LYSMD1: variants seen among roughly 807,000 people sequenced by gnomAD.
LYSMD1 encodes lysM and putative peptidoglycan-binding domain-containing protein 1.
In LYSMD1, 9 loss-of-function variants were observed where a neutral mutation model predicts 19.3. The ratio of observed to expected loss-of-function variants is 0.47; its 90% CI spans 0.28 to 0.81. The LOEUF (loss-of-function observed/expected upper bound fraction) is 0.81. Ranked by LOEUF, LYSMD1 falls within the 40% of genes least tolerant of loss-of-function variation. LYSMD1 has a pLI of 0.11. For missense variants in LYSMD1, 262 were observed against 279.8 expected (o/e 0.94, Z 0.45); for synonymous variants, 111 against 111.7 (o/e 0.99, Z 0.04).
At chr1:151,154,913 G>A (rs1683184819), downstream of LYSMD1, among the ~76,000 whole-genome samples, 1 of 152,094 alleles carries the variant, frequency 6.6e-6, no homozygotes, top group Non-Finnish European at 1.5e-5. Context: ...CAAAGTGCTG[G>A]GATTACAGGT....
At chr1:151,156,100 CAAAAAAAAA>C (rs751524835), downstream of LYSMD1, among the ~76,000 whole-genome samples, 1 of 38,124 alleles carries the variant, frequency 2.6e-5, no homozygotes, top group Admixed American at 4.2e-4. Flanking sequence ...AACTCTGTCT[CAAAAAAAAA>C]AAAAAAAAAA....
At chr1:151,153,611 C>T in the LYSMD1 span, among the ~76,000 whole-genome samples, 3,494 of 150,318 alleles carry the variant, frequency 0.023, 65 homozygotes, top group Non-Finnish European at 0.033. Context: ...GCCGAGATCA[C>T]GCCGCTGCAC....
At chr1:151,156,807 A>G (rs1450475225), downstream of LYSMD1, 1 of 152,194 alleles carries the variant, frequency 6.6e-6, no homozygotes, top group Non-Finnish European at 1.5e-5. Flanking sequence ...TTAGCTTTTC[A>G]TATTGTGAAA....
chr1:151,153,655 GA>G, the LYSMD1 span, among the ~76,000 whole-genome samples: 2 of 139,716 alleles, frequency 1.4e-5, no homozygotes, highest in Non-Finnish European at 1.5e-5. Flanking sequence ...ACTCCATCTC[GA>G]AAAAAAAATT....
Position 151,161,887 on chromosome 1 carries a change from G to A in LYSMD1, c.394C>T (p.Arg132Cys), listed in dbSNP as rs778493466. ...GTGGGGAGGACTTCACCATTGGCAC[G>A]TCCTGCTCCTGTCTCTTGTTTCTTC... ...ERKKQETGAG[R>C]ANGEVLPTPG... The change falls in exon 2 of 3, where the codon CGT (arginine) becomes TGT (cysteine). Residue 132 changes from arginine to cysteine, a missense_variant. Physicochemically the swap from Arg to Cys is radical, Grantham distance 180. Transcript: ENST00000368908. 22 of 1,614,072 alleles carry A rather than the reference G, an allele frequency of 1.4e-5. No individual in the cohort carries two copies. Among genetic ancestry groups the A allele is most frequent in the Middle Eastern group, 1.6e-4 (1 of 6,062 alleles).
chr1:151,156,100 CAAAAAAAAAAAAAAA>C (rs751524835), downstream of LYSMD1, among the ~76,000 whole-genome samples: 2 of 38,124 alleles, frequency 5.2e-5, no homozygotes, highest in Non-Finnish European at 1.0e-4. Flanking sequence ...AACTCTGTCT[CAAAAAAAAAAAAAAA>C]AAAAAAAAAA....
downstream of LYSMD1, chr1:151,158,980 C>A (rs587688526): frequency 1.2e-6 from 2 of 1,614,252 alleles, no homozygotes; most frequent in Non-Finnish European, 8.5e-7. Flanking sequence ...CCAGAAGCTG[C>A]GGCAGGGTGC....
At chr1:151,151,755 C>T in the LYSMD1 span, among the ~76,000 whole-genome samples, 1 of 151,428 alleles carries the variant, frequency 6.6e-6, no homozygotes, top group Admixed American at 6.6e-5. Context: ...CATAGAGAAA[C>T]CCCGTCTCTA....
At chr1:151,155,799 A>G (rs961416851), downstream of LYSMD1, among the ~76,000 whole-genome samples, 1 of 152,072 alleles carries the variant, frequency 6.6e-6, no homozygotes, top group African/African-American at 2.4e-5. Flanking sequence ...CAAAGTAGCT[A>G]CTACAGTAGC....
downstream of LYSMD1, among the ~76,000 whole-genome samples, chr1:151,154,757 T>A (rs1683180774): frequency 6.6e-6 from 1 of 152,138 alleles, no homozygotes; most frequent in Admixed American, 6.5e-5. Flanking sequence ...GCGAATCTCC[T>A]GCCTCAGCTT....
rs187340803 is a variant in LYSMD1 at position 151,165,830 on chromosome 1, C to A, written c.-572G>T. On this transcript the variant is annotated 5_prime_UTR_variant, in exon 1 of 3. Coordinates refer to ENST00000368908, the MANE Select transcript of LYSMD1 (RefSeq NM_212551.5). The stretch of plus-strand genomic sequence containing the variant: ...TTCGGCTCCACATCTAGGTTGTTGT[C>A]CCTCCAAACGCCTCAGATCCGCCAA... The A allele has an allele frequency of 1.4e-6, 2 of 1,454,142 alleles. No homozygotes were observed. Among genetic ancestry groups the A allele is most frequent in the South Asian group, 1.2e-5 (1 of 81,962 alleles). The allele number at this position is 1,454,142 out of a possible 1,614,324, so 90.1% of individuals were successfully genotyped here. A position where few individuals can be genotyped will look rare whatever the true frequency, so the allele number is the denominator to read the frequency against.
At chr1:151,155,055 C>T (rs587644031), downstream of LYSMD1, among the ~76,000 whole-genome samples, 6 of 152,292 alleles carry the variant, frequency 3.9e-5, no homozygotes, top group South Asian at 2.1e-4. Flanking sequence ...CCACCGCGCC[C>T]GGCCTGGGGC....
At position 151,161,838 on chromosome 1, in the gene LYSMD1, G is replaced by T. The variant is rs750716325; in HGVS notation, c.443C>A (p.Pro148His). 1 of 1,613,914 alleles carries T rather than the reference G, an allele frequency of 6.2e-7. No individual in the cohort carries two copies. Among genetic ancestry groups the T allele is most frequent in the East Asian group, 2.2e-5 (1 of 44,884 alleles). ...ATCAGAGGCAGAGAGGTCATGGATG[G>T]GCGTGGGGGTTTCCTGGCCAGGTGT... ...LPTPGQETPTPIHDLSASDFL... is the reference protein window; with the variant it reads ...LPTPGQETPTHIHDLSASDFL... The change falls in exon 2 of 3, where the codon CCC (proline) becomes CAC (histidine). Residue 148 changes from proline to histidine, a missense_variant. Coordinates refer to ENST00000368908, the MANE Select transcript of LYSMD1 (RefSeq NM_212551.5).
chr1:151,154,298 G>A, the LYSMD1 span, among the ~76,000 whole-genome samples: 1 of 152,126 alleles, frequency 6.6e-6, no homozygotes, highest in Non-Finnish European at 1.5e-5. Flanking sequence ...TGGCCAACAT[G>A]GCGAAACCCT....
rs1477543625 is a variant in LYSMD1, at chr1:151,165,185, C to T, written c.74G>A (p.Gly25Glu). 3.7e-6 allele frequency: 6 copies of T among 1,614,094 alleles called. 1 individual carries two copies. Among genetic ancestry groups the T allele is most frequent in the East Asian group, 4.5e-5 (2 of 44,890 alleles). ...LLQGSRARSYGSLVQSACSPV... is the reference protein window; with the variant it reads ...LLQGSRARSYESLVQSACSPV... ...GGAGCAGGCCGATTGCACCAGGCTTCCATATGAACGAGCCCGGCTCCCTTG... is the reference window on the plus strand; with the variant it reads ...GGAGCAGGCCGATTGCACCAGGCTTTCATATGAACGAGCCCGGCTCCCTTG... The change falls in exon 1 of 3, where the codon GGA becomes GAA. Residue 25 changes from glycine to glutamate, a missense_variant. Gly to Glu is a moderately conservative substitution (Grantham distance 98, BLOSUM62 -2). Transcript: ENST00000368908.
chr1:151,156,335 T>C (rs2101678065), downstream of LYSMD1, among the ~76,000 whole-genome samples: 1 of 152,220 alleles, frequency 6.6e-6, no homozygotes. Flanking sequence ...TCAGAACTTT[T>C]CCCACTGACC....
rs756705505 is a variant in LYSMD1, at chr1:151,162,027, G to A, written c.254C>T (p.Pro85Leu). The change falls in exon 2 of 3, where the codon CCC (proline) becomes CTC (leucine). Residue 85 changes from proline to leucine, a missense_variant. Coordinates refer to ENST00000368908, the MANE Select transcript of LYSMD1 (RefSeq NM_212551.5). ...CAGGTCTCTGGGCTCTGTCAGGATG[G>A]GGATGTAGAGGGTTTTCTTCAGGAA... ...SIFLKKTLYI[P>L]ILTEPRDLFN... The A allele has an allele frequency of 6.2e-7, 1 of 1,613,406 alleles. No individual in the cohort carries two copies. Among genetic ancestry groups the A allele is most frequent in the Admixed American group, 1.7e-5 (1 of 59,766 alleles).
chr1:151,158,289 C>A (rs1683296710), downstream of LYSMD1, among the ~76,000 whole-genome samples: 1 of 150,234 alleles, frequency 6.7e-6, no homozygotes, highest in Non-Finnish European at 1.5e-5. Flanking sequence ...CACCACTGCA[C>A]TCCAGCCTGG....
downstream of LYSMD1, chr1:151,158,996 C>CG (rs1683337202): frequency 6.2e-6 from 10 of 1,614,268 alleles, no homozygotes; most frequent in Non-Finnish European, 7.6e-6. Flanking sequence ...GGTGCCATGA[C>CG]GGCACTTAGC....
Sources: allele counts gnomAD v4.1 joint callset (sites outside exome capture counted in the v4.1 genomes callset), GRCh38; gene constraint gnomAD v4.1.1; transcripts MANE v1.5; gene names NCBI Gene and HGNC (gene_info 2026-07-23, HGNC 2026-07-21).